The following TMEM132C variants were observed in gnomAD, a reference collection of about 807,000 sequenced individuals.
TMEM132C encodes the protein transmembrane protein 132C.
In TMEM132C, 29 loss-of-function variants were observed where a neutral mutation model predicts 61.4. The ratio of observed to expected loss-of-function variants is 0.47; its 90% confidence interval spans 0.35 to 0.64. TMEM132C has a LOEUF of 0.64. Among genes scored for constraint, TMEM132C ranks in the 30% least tolerant of loss-of-function variants. The pLI, the probability that TMEM132C is intolerant of heterozygous loss-of-function variation, is 0.00. For missense variants in TMEM132C, 1,408 were observed against 1,476.9 expected (o/e 0.95, Z 0.76); for synonymous variants, 656 against 633.1 (o/e 1.04, Z -0.54).
chr12:128,391,233 G>A (rs538481447), intron 1 of TMEM132C, among the ~76,000 whole-genome samples: 402 of 152,294 alleles, frequency 2.6e-3, no homozygotes, highest in Non-Finnish European at 4.2e-3. Flanking sequence ...CCACTCTGGC[G>A]GCTGGCCAGC....
chr12:128,694,104 G>A, intron 6 of TMEM132C, 70 bp downstream of exon 6: 2 of 1,467,640 alleles, frequency 1.4e-6, no homozygotes, highest in African/African-American at 1.4e-5. Context: ...AACACTAAAG[G>A]ACCCAATGCT....
At chr12:128,292,834 A>G (rs10847594) in intron 1 of TMEM132C, among the ~76,000 whole-genome samples, 35,404 of 152,120 alleles carry the variant, frequency 0.23, 4,738 homozygotes, top group East Asian at 0.55. Context: ...AATTAACTTG[A>G]TAGACTGTTG....
intron 1 of TMEM132C, among the ~76,000 whole-genome samples, chr12:128,361,089 G>T (rs746455544): frequency 6.6e-6 from 1 of 152,184 alleles, no homozygotes; most frequent in Non-Finnish European, 1.5e-5. Flanking sequence ...GCAGGGGAAG[G>T]CGGATCATGC....
In TMEM132C at chr12:128,390,081, G is replaced by A. The variant is rs145811691; in HGVS notation, c.86-24651G>A. On this transcript the variant is annotated intron_variant, in intron 1 of 8. Coordinates refer to ENST00000435159, the MANE Select transcript of TMEM132C (RefSeq NM_001136103.3). ...AGATGGGGTCTTGCTCTTTTGCCCAGGCTGATCTCAAATGCATGGGCTCAA... is the reference window on the plus strand; with the variant it reads ...AGATGGGGTCTTGCTCTTTTGCCCAAGCTGATCTCAAATGCATGGGCTCAA... Among the ~76,000 whole-genome samples the A allele has an allele frequency of 6.2e-4, 95 of 152,210 alleles. 1 individual carries two copies. The highest frequency in any genetic ancestry group is 2.1e-3 in the African/African-American group (86 of 41,542).
intron 2 of TMEM132C, among the ~76,000 whole-genome samples, chr12:128,500,717 C>T (rs1459406095): frequency 6.6e-6 from 1 of 152,104 alleles, no homozygotes; most frequent in Non-Finnish European, 1.5e-5. Context: ...AACATTCATA[C>T]ATTGATGATG....
At chr12:128,413,824 T>C (rs939697938) in intron 1 of TMEM132C, among the ~76,000 whole-genome samples, 1 of 152,160 alleles carries the variant, frequency 6.6e-6, no homozygotes, top group Non-Finnish European at 1.5e-5. Context: ...TGACTTTATT[T>C]ATGGTATTTT....
At chr12:128,488,265 G>A (rs1458046266) in intron 2 of TMEM132C, among the ~76,000 whole-genome samples, 2 of 152,188 alleles carry the variant, frequency 1.3e-5, no homozygotes, top group Non-Finnish European at 2.9e-5. Context: ...TTCTATTGGA[G>A]AGCAGTGCTC....
At chr12:128,345,197 G>A (rs578118636) in intron 1 of TMEM132C, among the ~76,000 whole-genome samples, 10 of 152,126 alleles carry the variant, frequency 6.6e-5, no homozygotes, top group South Asian at 4.2e-4. Context: ...AAGGATAATG[G>A]CCTCTAGCTC....
chr12:128,455,374 C>T (rs1870304945), intron 2 of TMEM132C, among the ~76,000 whole-genome samples: 1 of 152,210 alleles, frequency 6.6e-6, no homozygotes, highest in African/African-American at 2.4e-5. Context: ...GAGGCAAGTG[C>T]ATGCTTTGCA....
intron 4 of TMEM132C, among the ~76,000 whole-genome samples, chr12:128,668,771 G>C (rs1409519607): frequency 2.0e-5 from 3 of 152,074 alleles, no homozygotes; most frequent in Non-Finnish European, 4.4e-5. Context: ...TCTCCAGCTT[G>C]CTTCTAGAGA....
At chr12:128,521,522 T>C (rs1303128127) in intron 2 of TMEM132C, among the ~76,000 whole-genome samples, 2 of 150,964 alleles carry the variant, frequency 1.3e-5, no homozygotes, top group Admixed American at 6.6e-5. Flanking sequence ...TTTGAATGTC[T>C]TTGTTACAGT....
intron 1 of TMEM132C, among the ~76,000 whole-genome samples, chr12:128,345,417 T>C (rs1321535814): frequency 1.3e-5 from 2 of 152,212 alleles, no homozygotes; most frequent in Admixed American, 6.5e-5. Flanking sequence ...TTTGAGTATA[T>C]ACCTAGTAAT....
rs559216967 is a variant in TMEM132C at position 128,281,889 on chromosome 12, C to A, written c.85+14402C>A. 1.8e-4 allele frequency among the ~76,000 whole-genome samples: 28 copies of A among 152,326 alleles called. 2 individuals are homozygous for A. The South Asian group carries it at 5.6e-3, about 30-fold the overall frequency. On this transcript the variant is annotated intron_variant, in intron 1 of 8. Coordinates refer to ENST00000435159, the MANE Select transcript of TMEM132C (RefSeq NM_001136103.3). ...GGTGAAGATAATGTCTATTTCTTAT[C>A]TCTAGGTACCCAGCCTCATTATTTC...
chr12:128,371,136 G>C (rs538853490), intron 1 of TMEM132C, among the ~76,000 whole-genome samples: 3 of 152,252 alleles, frequency 2.0e-5, no homozygotes, highest in Admixed American at 2.0e-4. Flanking sequence ...GGATTTAAAG[G>C]GAAGGGGTTT....
At chr12:128,553,527 G>A (rs1008103504) in intron 3 of TMEM132C, among the ~76,000 whole-genome samples, 2 of 152,098 alleles carry the variant, frequency 1.3e-5, no homozygotes, top group African/African-American at 2.4e-5. Flanking sequence ...AAAGTACTTT[G>A]CTTGTCCCAT....
At chr12:128,490,579 A>T (rs981144220) in intron 2 of TMEM132C, among the ~76,000 whole-genome samples, 4 of 152,214 alleles carry the variant, frequency 2.6e-5, no homozygotes, top group Non-Finnish European at 4.4e-5. Flanking sequence ...GATATATTTT[A>T]TCATAGCATA....
chr12:128,578,784 G>C (rs1875220509), intron 3 of TMEM132C, among the ~76,000 whole-genome samples: 1 of 152,158 alleles, frequency 6.6e-6, no homozygotes, highest in South Asian at 2.1e-4. Context: ...TTTTAGTAGA[G>C]ATGGGGTTTC....
Position 128,705,953 on chromosome 12 carries a change from C to T in TMEM132C, c.2985C>T (p.Thr995=). The T allele has an allele frequency of 6.4e-7, 1 of 1,551,544 alleles. No individual in the cohort carries two copies. Among genetic ancestry groups the T allele is most frequent in the Non-Finnish European group, 8.7e-7 (1 of 1,146,972 alleles). ...GDAPPPQDEH[T]TIIDRGPGAC... ...CGCCGCCGCCCCAGGACGAGCACACCACCATCATAGACCGCGGACCGGGGG... is the reference window on the plus strand; with the variant it reads ...CGCCGCCGCCCCAGGACGAGCACACTACCATCATAGACCGCGGACCGGGGG... The change falls in exon 9 of 9, where the codon ACC becomes ACT. Residue 995 remains threonine, a synonymous_variant. Transcript: ENST00000435159.
chr12:128,333,372 A>G lies in TMEM132C; in HGVS notation c.85+65885A>G, dbSNP rs114005975. Among the ~76,000 whole-genome samples the G allele has an allele frequency of 8.5e-3, 1,299 of 151,980 alleles. 20 individuals are homozygous for G. Among genetic ancestry groups the G allele is most frequent in the African/African-American group, 0.03 (1,238 of 41,440 alleles). ...AAGTGTTACTTGTATTTGAGAGTAC[A>G]TATGTATTTGAGAGTATGTATATGC... On this transcript the variant is annotated intron_variant, in intron 1 of 8. Transcript: ENST00000435159.
Sources: allele counts gnomAD v4.1 joint callset (sites outside exome capture counted in the v4.1 genomes callset), GRCh38; gene constraint gnomAD v4.1.1; transcripts MANE v1.5; gene names NCBI Gene and HGNC (gene_info 2026-07-23, HGNC 2026-07-21).